The following ALG6 variants were observed in gnomAD, a reference collection of about 807,000 sequenced individuals.
ALG6 encodes dolichyl pyrophosphate Man9GlcNAc2 alpha-1,3-glucosyltransferase.
A neutral mutation model predicts 66.6 loss-of-function variants in ALG6; 46 were observed. The ratio of observed to expected loss-of-function variants is 0.69; its 90% CI spans 0.55 to 0.88. The LOEUF is 0.88. Among genes scored for constraint, ALG6 ranks in the 40% least tolerant of loss-of-function variants. The pLI, the probability that ALG6 is intolerant of heterozygous loss-of-function variation, is 0.00. For missense variants in ALG6, 505 were observed against 586.8 expected (o/e 0.86, Z 1.44); for synonymous variants, 185 against 203.7 (o/e 0.91, Z 0.78).
chr1:63,370,751 A>T lies in ALG6; in HGVS notation c.-207-20A>T. On this transcript the variant is annotated intron_variant, in intron 1 of 14. Transcript: ENST00000263440. ...GTACTGTACTCAGCTGAATCTTGAT[A>T]TCTTTTTTTTTCCCCTTAGGATACT... is the stretch of plus-strand genomic sequence containing the variant. 1 of 554,752 alleles carries T rather than the reference A, an allele frequency of 1.8e-6. No homozygotes were observed. The highest frequency in any genetic ancestry group is 2.0e-5 in the South Asian group (1 of 49,432). The allele number at this position is 554,752 out of a possible 1,614,324, so 34.4% of individuals were successfully genotyped here.
chr1:63,381,424 A>G (rs149473815), intron 2 of ALG6, among the ~76,000 whole-genome samples: 1,592 of 152,352 alleles, frequency 0.01, 27 homozygotes, highest in African/African-American at 0.035. Context: ...ACTGCACTCC[A>G]GCCTGGGCGA....
rs888016228 is a variant in ALG6 at position 63,403,123 on chromosome 1, A to G, written c.257+780A>G. Among the ~76,000 whole-genome samples, 17 of 148,744 alleles carry G rather than the reference A, an allele frequency of 1.1e-4. No homozygotes were observed. In the Admixed American group the frequency reaches 1.1e-3, roughly 10 times the overall value. On this transcript the variant is annotated intron_variant, in intron 4 of 14. Transcript: ENST00000263440. ...AAAAAAAAAAAAAAAAAAAAAAAGA[A>G]CTATCAAAGTTTGAACATTTCTATA...
intron 2 of ALG6, among the ~76,000 whole-genome samples, chr1:63,373,459 C>A (rs1375438207): frequency 1.3e-5 from 2 of 150,924 alleles, no homozygotes; most frequent in East Asian, 4.0e-4. Context: ...AAAAATTAGC[C>A]GGGCGCACAC....
intron 2 of ALG6, among the ~76,000 whole-genome samples, chr1:63,376,969 G>T (rs1648153334): frequency 1.3e-5 from 2 of 151,340 alleles, no homozygotes; most frequent in South Asian, 2.1e-4. Context: ...ATTTAGAATT[G>T]TTTTTCTTTT....
intron 2 of ALG6, among the ~76,000 whole-genome samples, chr1:63,381,701 A>T (rs890000594): frequency 3.3e-5 from 5 of 152,140 alleles, no homozygotes; most frequent in African/African-American, 9.7e-5. Flanking sequence ...GGATTCCATT[A>T]TAGAACTCAA....
intron 1 of ALG6, 54 bp from the exon 2 acceptor site, chr1:63,370,717 T>C (rs1647894457): frequency 1.1e-5 from 5 of 440,982 alleles, no homozygotes; most frequent in Non-Finnish European, 2.1e-5. Flanking sequence ...ACTGGGTTCA[T>C]TGTTGTAGGT....
chr1:63,393,663 A>G (rs749550145), intron 2 of ALG6, among the ~76,000 whole-genome samples: 17 of 152,230 alleles, frequency 1.1e-4, no homozygotes, highest in Non-Finnish European at 2.4e-4. Flanking sequence ...AGTGCCAGAT[A>G]GTAACTTAAA....
At chr1:63,410,162 A>G (rs927805145) in intron 7 of ALG6, among the ~76,000 whole-genome samples, 2 of 151,860 alleles carry the variant, frequency 1.3e-5, no homozygotes, top group Non-Finnish European at 1.5e-5. Context: ...CCTTCATCCT[A>G]TTTTATTTGT....
chr1:63,389,933 T>A (rs1648618446), intron 2 of ALG6, among the ~76,000 whole-genome samples: 1 of 152,142 alleles, frequency 6.6e-6, no homozygotes, highest in Non-Finnish European at 1.5e-5. Context: ...CCCAAAGAAA[T>A]GGAGTCTGTC....
intron 7 of ALG6, among the ~76,000 whole-genome samples, chr1:63,409,085 G>A (rs1011063312): frequency 6.6e-6 from 1 of 152,066 alleles, no homozygotes; most frequent in Non-Finnish European, 1.5e-5. Context: ...TAGCTCTAAG[G>A]ACACATTTTT....
chr1:63,412,658 A>G (rs1011153637), intron 9 of ALG6, among the ~76,000 whole-genome samples: 1 of 152,118 alleles, frequency 6.6e-6, no homozygotes, highest in Non-Finnish European at 1.5e-5. Flanking sequence ...ACCTTCATCC[A>G]TAGTAATTTT....
chr1:63,403,717 C>G (rs147386573), intron 4 of ALG6, among the ~76,000 whole-genome samples: 55 of 152,220 alleles, frequency 3.6e-4, no homozygotes, highest in African/African-American at 1.2e-3. Flanking sequence ...CCTATTGTTC[C>G]TAGGCTACAA....
rs953061252 is a variant in ALG6 at position 63,438,032 on chromosome 1, C to T, written c.*1012C>T. ...TCTGTAATAAAGATAATCATTTTCC[C>T]ATCAACATTTTTTAAGGAATATATT... is the stretch of plus-strand genomic sequence containing the variant. On this transcript the variant is annotated 3_prime_UTR_variant, in exon 15 of 15. Coordinates refer to ENST00000263440, the MANE Select transcript of ALG6 (RefSeq NM_013339.4). The T allele has an allele frequency of 6.6e-6, 1 of 151,874 alleles. No homozygotes were observed. Among genetic ancestry groups the T allele is most frequent in the South Asian group, 2.1e-4 (1 of 4,812 alleles). The allele number at this position is 151,874 out of a possible 1,614,324, so 9.4% of individuals were successfully genotyped here.
intron 12 of ALG6, chr1:63,428,384 AT>A (rs919195518): frequency 5.4e-6 from 1 of 183,920 alleles, no homozygotes; most frequent in African/African-American, 2.4e-5. Context: ...CTGGGAATTC[AT>A]ATTTACCAAG....
At chr1:63,407,003 T>C in intron 6 of ALG6, 59 bp from the exon 7 acceptor site, 1 of 1,350,066 alleles carries the variant, frequency 7.4e-7, no homozygotes. Flanking sequence ...ACCACACTTT[T>C]ACCCTGCTTG....
At chr1:63,421,371 G>A (rs1308128059) in intron 12 of ALG6, among the ~76,000 whole-genome samples, 1 of 152,136 alleles carries the variant, frequency 6.6e-6, no homozygotes, top group Non-Finnish European at 1.5e-5. Context: ...TATACTGTTG[G>A]TGGGAGTGTA....
At chr1:63,405,090 C>G (rs766800759) in intron 5 of ALG6, among the ~76,000 whole-genome samples, 3 of 152,072 alleles carry the variant, frequency 2.0e-5, no homozygotes, top group Non-Finnish European at 2.9e-5. Context: ...CTTTACATGA[C>G]TTATGCTTTA....
intron 12 of ALG6, among the ~76,000 whole-genome samples, chr1:63,424,338 A>C (rs1032723673): frequency 6.6e-6 from 1 of 152,016 alleles, no homozygotes; most frequent in Non-Finnish European, 1.5e-5. Context: ...ATGGGGTTTC[A>C]CTATGTTGGC....
chr1:63,398,541 C>T (rs1213318254), intron 3 of ALG6, among the ~76,000 whole-genome samples: 1 of 152,148 alleles, frequency 6.6e-6, no homozygotes, highest in Non-Finnish European at 1.5e-5. Context: ...GGCTCGATCT[C>T]GGCTCACTGC....
Sources: allele counts gnomAD v4.1 joint callset (sites outside exome capture counted in the v4.1 genomes callset), GRCh38; gene constraint gnomAD v4.1.1; transcripts MANE v1.5; gene names NCBI Gene and HGNC (gene_info 2026-07-23, HGNC 2026-07-21).